The following GRM7 variants were observed in gnomAD, a reference collection of about 807,000 sequenced individuals.
The protein encoded by GRM7 is glutamate metabotropic receptor 7, also known as metabotropic glutamate receptor 7.
A neutral mutation model predicts 84.5 loss-of-function variants in GRM7; 35 were observed. That is an observed-to-expected ratio of 0.41 (90% CI 0.32 to 0.55). GRM7 has a LOEUF of 0.55. Ranked by LOEUF, GRM7 falls within the 20% of genes least tolerant of loss-of-function variation. GRM7 has a pLI of 0.19. For synonymous variants in GRM7, 487 were observed against 455.1 expected (o/e 1.07, Z -0.89); for missense variants, 1,003 against 1,194.6 (o/e 0.84, Z 2.36).
At chr3:7,313,183 C>T (rs553389421) in intron 4 of GRM7, among the ~76,000 whole-genome samples, 15 of 152,232 alleles carry the variant, frequency 9.9e-5, no homozygotes, top group Non-Finnish European at 1.8e-4. Flanking sequence ...CCCTCCTCAG[C>T]CCCCCAAAGT....
At chr3:7,529,974 G>A (rs1004989259) in intron 7 of GRM7, among the ~76,000 whole-genome samples, 1 of 150,710 alleles carries the variant, frequency 6.6e-6, no homozygotes, top group African/African-American at 2.4e-5. Flanking sequence ...TAAGTTTTGG[G>A]ATACATGTGC....
chr3:7,675,996 T>C (rs958464985), intron 8 of GRM7, among the ~76,000 whole-genome samples: 5 of 151,838 alleles, frequency 3.3e-5, no homozygotes. Flanking sequence ...GTTCTGCACA[T>C]CGGACTTTTT....
intron 2 of GRM7, among the ~76,000 whole-genome samples, chr3:7,239,627 GC>G (rs1407589030): frequency 3.3e-5 from 5 of 152,112 alleles, no homozygotes; most frequent in Admixed American, 2.0e-4. Flanking sequence ...AAAGCAGATG[GC>G]TCTTCCTAAC....
intron 4 of GRM7, among the ~76,000 whole-genome samples, chr3:7,324,958 C>A (rs147670361): frequency 1.3e-5 from 2 of 152,160 alleles, no homozygotes; most frequent in Non-Finnish European, 2.9e-5. Flanking sequence ...GCTTTTCCAA[C>A]GTGTAATTTA....
chr3:6,971,488 T>C (rs1693757682), intron 1 of GRM7, among the ~76,000 whole-genome samples: 1 of 152,180 alleles, frequency 6.6e-6, no homozygotes, highest in South Asian at 2.1e-4. Flanking sequence ...AATAAAACCA[T>C]CAAAATCAAG....
intron 1 of GRM7, among the ~76,000 whole-genome samples, chr3:6,867,738 G>C (rs1694984303): frequency 6.6e-6 from 1 of 152,044 alleles, no homozygotes; most frequent in South Asian, 2.1e-4. Flanking sequence ...TAGTCTGACT[G>C]GTTAATTAAT....
intron 7 of GRM7, among the ~76,000 whole-genome samples, chr3:7,506,692 A>C (rs1649439424): frequency 1.3e-5 from 2 of 152,168 alleles, no homozygotes; most frequent in South Asian, 4.1e-4. Context: ...CAGGGCATAA[A>C]GGCTCTTGGC....
At chr3:7,071,473 AC>A (rs1697881235) in intron 1 of GRM7, among the ~76,000 whole-genome samples, 1 of 151,742 alleles carries the variant, frequency 6.6e-6, no homozygotes, top group Admixed American at 6.6e-5. Context: ...AAACATTCTT[AC>A]CCAGCTTCCT....
intron 1 of GRM7, among the ~76,000 whole-genome samples, chr3:6,886,933 G>T (rs562061211): frequency 6.6e-6 from 1 of 151,798 alleles, no homozygotes; most frequent in African/African-American, 2.4e-5. Context: ...CAGCAAGATT[G>T]AGTACTTTGC....
chr3:7,653,180 C>CATTTTTTTT (rs1440978783), intron 8 of GRM7, among the ~76,000 whole-genome samples: 1 of 89,520 alleles, frequency 1.1e-5, no homozygotes, highest in African/African-American at 5.5e-5. Flanking sequence ...ATACTATATC[C>CATTTTTTTT]TTTTTTTTTT....
At chr3:7,596,027 C>T (rs1696026469) in intron 8 of GRM7, among the ~76,000 whole-genome samples, 1 of 152,130 alleles carries the variant, frequency 6.6e-6, no homozygotes, top group Non-Finnish European at 1.5e-5. Context: ...TAAGCCAGGG[C>T]ACTGTTCACT....
chr3:7,040,690 T>C (rs963166056), intron 1 of GRM7, among the ~76,000 whole-genome samples: 2 of 152,082 alleles, frequency 1.3e-5, no homozygotes, highest in Non-Finnish European at 2.9e-5. Context: ...TATAGGTGTG[T>C]CTTGGGACCA....
intron 1 of GRM7, among the ~76,000 whole-genome samples, chr3:6,923,606 A>T (rs926598962): frequency 6.6e-6 from 1 of 152,122 alleles, no homozygotes; most frequent in Non-Finnish European, 1.5e-5. Context: ...TACTATATCT[A>T]TGATAGGGTT....
intron 2 of GRM7, among the ~76,000 whole-genome samples, chr3:7,221,596 T>C (rs993960561): frequency 6.6e-6 from 1 of 151,902 alleles, no homozygotes; most frequent in African/African-American, 2.4e-5. Flanking sequence ...ATTTTATTTT[T>C]TAATCTAATA....
intron 7 of GRM7, among the ~76,000 whole-genome samples, chr3:7,535,921 G>T (rs1009382470): frequency 6.6e-6 from 1 of 152,182 alleles, no homozygotes; most frequent in African/African-American, 2.4e-5. Context: ...AAGTCCAGGG[G>T]TCTGCATCTG....
intron 2 of GRM7, among the ~76,000 whole-genome samples, chr3:7,211,320 G>A (rs1374308416): frequency 6.6e-6 from 1 of 152,092 alleles, no homozygotes; most frequent in Non-Finnish European, 1.5e-5. Context: ...ACTCCTCTTG[G>A]ACTTCAAATC....
At chr3:7,130,581 G>C (rs993117374) in intron 1 of GRM7, among the ~76,000 whole-genome samples, 3 of 150,206 alleles carry the variant, frequency 2.0e-5, no homozygotes, top group African/African-American at 4.9e-5. Context: ...AGGATTAATG[G>C]CCCATGGAGA....
chr3:7,340,495 T>C (rs1003752530), intron 4 of GRM7, among the ~76,000 whole-genome samples: 2 of 152,044 alleles, frequency 1.3e-5, no homozygotes, highest in East Asian at 1.9e-4. Context: ...GAGAACAGTA[T>C]GGGAGAAATG....
At chr3:7,525,737 C>T (rs2124997579) in intron 7 of GRM7, among the ~76,000 whole-genome samples, 1 of 152,006 alleles carries the variant, frequency 6.6e-6, no homozygotes, top group South Asian at 2.1e-4. Context: ...TCCTTGGTGA[C>T]TAGTGGTCTC....
Sources: allele counts gnomAD v4.1 joint callset (sites outside exome capture counted in the v4.1 genomes callset), GRCh38; gene constraint gnomAD v4.1.1; transcripts MANE v1.5; gene names NCBI Gene and HGNC (gene_info 2026-07-23, HGNC 2026-07-21).